Variants in RASGRF2 observed in about 807,000 individuals in gnomAD.
RASGRF2 encodes Ras protein specific guanine nucleotide releasing factor 2.
In RASGRF2, 76 loss-of-function variants were observed where a neutral mutation model predicts 151.0. The observed-to-expected ratio is 0.50, with a 90% CI of 0.42 to 0.61. The LOEUF (loss-of-function observed/expected upper bound fraction) is 0.61, where lower values mean the gene tolerates loss of function less well. Among genes scored for constraint, RASGRF2 ranks in the 20% least tolerant of loss-of-function variants. RASGRF2 has a pLI of 0.00. For synonymous variants in RASGRF2, 504 were observed against 566.5 expected (o/e 0.89, Z 1.57); for missense variants, 1,148 against 1,564.6 (o/e 0.73, Z 4.49).
rs538915798 is a variant in RASGRF2, at chr5:81,214,742, C to T, written c.3355-1134C>T. Reference sequence around the variant, plus strand: ...AGGCAGGACCTGGATCCTCCATGCCCAGCCACGCTGCCTGGATGTGGGTAT... The same window carrying T: ...AGGCAGGACCTGGATCCTCCATGCCTAGCCACGCTGCCTGGATGTGGGTAT... On this transcript the variant is annotated intron_variant, in intron 23 of 26. Coordinates refer to ENST00000265080, the MANE Select transcript of RASGRF2 (RefSeq NM_006909.3). 2.0e-5 allele frequency among the ~76,000 whole-genome samples: 3 copies of T among 152,356 alleles called. No individual in the cohort carries two copies. The South Asian group carries it at 6.2e-4, about 32-fold the overall frequency.
chr5:81,224,938 A>G (rs1014021263), intron 26 of RASGRF2, among the ~76,000 whole-genome samples: 1 of 152,250 alleles, frequency 6.6e-6, no homozygotes, highest in African/African-American at 2.4e-5. Flanking sequence ...AATTGTTATC[A>G]TGAAATGTAT....
intron 1 of RASGRF2, among the ~76,000 whole-genome samples, chr5:80,976,776 C>T (rs1031892556): frequency 6.6e-6 from 1 of 152,128 alleles, no homozygotes; most frequent in East Asian, 1.9e-4. Context: ...CTCTTGACTC[C>T]GTGAGGACAT....
chr5:81,001,811 GACAA>G (rs1387590781), intron 1 of RASGRF2, among the ~76,000 whole-genome samples: 2 of 152,146 alleles, frequency 1.3e-5, no homozygotes, highest in African/African-American at 4.8e-5. Flanking sequence ...CATCTTAATA[GACAA>G]ACAGTGCCCA....
intron 17 of RASGRF2, among the ~76,000 whole-genome samples, chr5:81,153,762 A>G (rs1346738931): frequency 6.6e-6 from 1 of 152,202 alleles, no homozygotes; most frequent in Non-Finnish European, 1.5e-5. Flanking sequence ...ATCAAAAGGT[A>G]AATATTGTCA....
intron 17 of RASGRF2, among the ~76,000 whole-genome samples, chr5:81,169,197 G>A (rs143043762): frequency 6.4e-4 from 97 of 152,274 alleles, no homozygotes; most frequent in African/African-American, 1.8e-3. Context: ...CCCATCTCAG[G>A]AAGTGGTATC....
intron 19 of RASGRF2, among the ~76,000 whole-genome samples, chr5:81,202,004 C>T (rs1755406095): frequency 6.6e-6 from 1 of 152,176 alleles, no homozygotes; most frequent in Non-Finnish European, 1.5e-5. Flanking sequence ...TGACTCCACA[C>T]TTCTATGTGA....
chr5:81,142,729 A>G (rs537599076), intron 17 of RASGRF2, among the ~76,000 whole-genome samples: 1 of 152,308 alleles, frequency 6.6e-6, no homozygotes, highest in South Asian at 2.1e-4. Flanking sequence ...TGAAAATGCA[A>G]GTGTCCCTGT....
intron 12 of RASGRF2, among the ~76,000 whole-genome samples, chr5:81,104,559 T>C (rs1465497405): frequency 2.6e-5 from 4 of 152,212 alleles, no homozygotes; most frequent in Non-Finnish European, 4.4e-5. Flanking sequence ...TTCATGGTTT[T>C]TCAAGTTAAA....
At chr5:81,063,567 C>T (rs1241627322) in intron 2 of RASGRF2, among the ~76,000 whole-genome samples, 1 of 151,954 alleles carries the variant, frequency 6.6e-6, no homozygotes, top group Non-Finnish European at 1.5e-5. Context: ...ATATTTTTTC[C>T]CTATTGCAGT....
At chr5:80,996,307 TTC>T (rs199544798) in intron 1 of RASGRF2, among the ~76,000 whole-genome samples, 9 of 151,064 alleles carry the variant, frequency 6.0e-5, no homozygotes, top group Non-Finnish European at 7.4e-5. Flanking sequence ...TATTTTGCTA[TTC>T]TCTCTCTCTC....
At chr5:81,181,040 A>T (rs960361743) in intron 18 of RASGRF2, among the ~76,000 whole-genome samples, 4 of 152,124 alleles carry the variant, frequency 2.6e-5, no homozygotes, top group Admixed American at 6.5e-5. Flanking sequence ...TTTGAGAGAG[A>T]GAATGGGCCC....
chr5:81,045,095 T>G (rs1356512925), intron 2 of RASGRF2, among the ~76,000 whole-genome samples: 2 of 152,160 alleles, frequency 1.3e-5, no homozygotes, highest in Non-Finnish European at 2.9e-5. Flanking sequence ...GACTTAGGAC[T>G]AATGCAGAAT....
intron 26 of RASGRF2, among the ~76,000 whole-genome samples, chr5:81,224,289 T>C (rs757693173): frequency 6.6e-6 from 1 of 152,212 alleles, no homozygotes; most frequent in Non-Finnish European, 1.5e-5. Flanking sequence ...ATTTAAAAGA[T>C]TGATAATATC....
At chr5:81,121,140 G>A (rs1396622393) in intron 15 of RASGRF2, among the ~76,000 whole-genome samples, 1 of 152,096 alleles carries the variant, frequency 6.6e-6, no homozygotes, top group Admixed American at 6.6e-5. Flanking sequence ...AAGTGCTGCT[G>A]TGTGAACCCT....
chr5:80,996,853 G>C (rs1239482908), intron 1 of RASGRF2, among the ~76,000 whole-genome samples: 3 of 151,722 alleles, frequency 2.0e-5, no homozygotes, highest in Non-Finnish European at 4.4e-5. Context: ...ACCTGCCTCA[G>C]CCTCTCAAAG....
chr5:81,022,844 T>C (rs1489931798), intron 1 of RASGRF2, among the ~76,000 whole-genome samples: 2 of 152,180 alleles, frequency 1.3e-5, no homozygotes, highest in African/African-American at 4.8e-5. Context: ...GTTTCACCGC[T>C]GTGACATCTG....
intron 18 of RASGRF2, among the ~76,000 whole-genome samples, chr5:81,195,130 C>A (rs1346950025): frequency 1.3e-5 from 2 of 152,076 alleles, no homozygotes; most frequent in Non-Finnish European, 2.9e-5. Context: ...AGGCTTCGTG[C>A]GGCTTCGTGT....
rs369412138 is a variant in RASGRF2 at position 81,092,975 on chromosome 5, A to G, written c.1551+14A>G. ...CATCTGCTCAAGGTACTGGTTTTCC[A>G]TAACTGTTCCATTTATCTTCCAAGC... is the stretch of plus-strand genomic sequence containing the variant. On this transcript the variant is annotated intron_variant, in intron 10 of 26. Transcript: ENST00000265080. 4.1e-5 allele frequency: 66 copies of G among 1,591,862 alleles called. No homozygotes were observed. In the African/African-American group the frequency reaches 4.3e-4, roughly 10 times the overall value.
intron 18 of RASGRF2, among the ~76,000 whole-genome samples, chr5:81,193,885 A>C (rs1755204316): frequency 6.6e-6 from 1 of 152,230 alleles, no homozygotes; most frequent in African/African-American, 2.4e-5. Context: ...GCTTTAGCCA[A>C]GAGTTTAGCC....
Sources: allele counts gnomAD v4.1 joint callset (sites outside exome capture counted in the v4.1 genomes callset), GRCh38; gene constraint gnomAD v4.1.1; transcripts MANE v1.5; gene names NCBI Gene and HGNC (gene_info 2026-07-23, HGNC 2026-07-21).